TOX2: variants seen among roughly 807,000 people sequenced by gnomAD.
TOX2 encodes TOX high mobility group box family member 2, also known as granulosa cell HMG box 1.
In TOX2, 15 loss-of-function variants were observed where a neutral mutation model predicts 47.4. The observed-to-expected ratio is 0.32, with a 90% confidence interval of 0.21 to 0.49. The LOEUF (loss-of-function observed/expected upper bound fraction) is 0.49. Ranked by LOEUF, TOX2 falls within the 20% of genes least tolerant of loss-of-function variation. The pLI is 0.99. For missense variants in TOX2, 622 were observed against 673.1 expected (o/e 0.92, Z 0.84); for synonymous variants, 290 against 296.6 (o/e 0.98, Z 0.23).
intron 2 of TOX2, among the ~76,000 whole-genome samples, chr20:43,997,814 G>T (rs568576955): frequency 6.6e-6 from 1 of 152,218 alleles, no homozygotes; most frequent in East Asian, 1.9e-4. Context: ...CATCATTTCA[G>T]TTGTGATTTC....
At chr20:44,063,611 C>A (rs1202502883) in intron 5 of TOX2, among the ~76,000 whole-genome samples, 1 of 152,140 alleles carries the variant, frequency 6.6e-6, no homozygotes, top group African/African-American at 2.4e-5. Flanking sequence ...TTGGTATCCA[C>A]CCAGAGGAGA....
At position 43,927,707 on chromosome 20, in the gene TOX2, TCTTC is replaced by T. The variant is rs1417061516; in HGVS notation, c.99+12730_99+12733del. Among the ~76,000 whole-genome samples the T allele has an allele frequency of 1.2e-3, 145 of 116,170 alleles. 1 individual carries two copies. The highest frequency in any genetic ancestry group is 4.5e-3 in the Middle Eastern group (1 of 224). The allele number at this position is 116,170 out of a possible 152,430, so 76.2% of individuals were successfully genotyped here. A position where few individuals can be genotyped will look rare whatever the true frequency, so the allele number is the denominator to read the frequency against. On this transcript the variant is annotated intron_variant, in intron 1 of 8. Transcript: ENST00000341197. ...TTCCTTCCCTTCCCCTTCCTTCCTT[TCTTC>T]CTTCCTTCCTTCTTTCCTTCCATCC...
rs1053773600 is a variant in TOX2, at chr20:44,039,227, C to T, written c.412-12079C>T. On this transcript the variant is annotated intron_variant, in intron 3 of 8. Transcript: ENST00000341197. ...AGGCTTCTCTGAGGAGGTGACATTTCAGGTAAGCCATAAAGGAGGATGACA... is the reference window on the plus strand; with the variant it reads ...AGGCTTCTCTGAGGAGGTGACATTTTAGGTAAGCCATAAAGGAGGATGACA... 7 of 1,288,784 alleles carry T rather than the reference C, an allele frequency of 5.4e-6. No individual in the cohort carries two copies. In the Middle Eastern group the frequency reaches 8.5e-4, roughly 156 times the overall value. 79.8% of individuals were successfully genotyped at this position (1,288,784 alleles called of 1,614,324 possible).
Position 44,065,893 on chromosome 20 carries a change from C to A in TOX2, c.1142C>A (p.Ser381Tyr), listed in dbSNP as rs2071808149. ...ASLARTLGSK[S>Y]LLPGLSASPP... Reference sequence around the variant, plus strand: ...CTCGCCCGGACGCTGGGCTCCAAGTCTCTGCTGCCAGGCCTCAGTGCGTCC... The same window carrying A: ...CTCGCCCGGACGCTGGGCTCCAAGTATCTGCTGCCAGGCCTCAGTGCGTCC... Residue 381 changes from serine to tyrosine, a missense_variant, in exon 7 of 9, where the codon TCT becomes TAT. Around this residue, in one of 3 missense-constraint regions of TOX2, gnomAD observed 294 missense variants for 300.0 expected, o/e 0.98. Transcript: ENST00000341197. The A allele has an allele frequency of 6.2e-7, 1 of 1,612,162 alleles. No homozygotes were observed.
chr20:43,934,132 G>T (rs1046017991), intron 1 of TOX2, among the ~76,000 whole-genome samples: 17 of 87,486 alleles, frequency 1.9e-4, no homozygotes, highest in African/African-American at 6.7e-4. Flanking sequence ...AGAGCCCAAG[G>T]TAAGGAGAGA....
chr20:43,971,043 G>T (rs768624876), intron 1 of TOX2, among the ~76,000 whole-genome samples: 1 of 152,168 alleles, frequency 6.6e-6, no homozygotes, highest in Non-Finnish European at 1.5e-5. Context: ...GACTCTCCCC[G>T]TCCCTGTGCT....
At chr20:44,003,835 C>T (rs891091776) in intron 2 of TOX2, among the ~76,000 whole-genome samples, 2 of 152,002 alleles carry the variant, frequency 1.3e-5, no homozygotes, top group African/African-American at 4.8e-5. Flanking sequence ...GGTGGTGGGG[C>T]CAGGCCATAC....
At chr20:43,919,262 C>T (rs1417636162) in intron 1 of TOX2, among the ~76,000 whole-genome samples, 1 of 152,218 alleles carries the variant, frequency 6.6e-6, no homozygotes, top group Non-Finnish European at 1.5e-5. Flanking sequence ...GAACAAAAGT[C>T]ACTCAAATCA....
chr20:43,991,794 C>A (rs1041770545), intron 2 of TOX2, among the ~76,000 whole-genome samples: 2 of 152,064 alleles, frequency 1.3e-5, no homozygotes, highest in Non-Finnish European at 2.9e-5. Context: ...CAGGCATACA[C>A]CACTATGCCC....
chr20:44,037,464 T>G (rs2071259564), intron 3 of TOX2, among the ~76,000 whole-genome samples: 1 of 152,230 alleles, frequency 6.6e-6, no homozygotes, highest in Non-Finnish European at 1.5e-5. Context: ...TCTGTATGGA[T>G]ACAGTGGAAA....
rs1555841868 is a variant in TOX2, at chr20:44,023,431, G to GGAAAAAAA, written c.411+16639_411+16640insGAAAAAAA. Among the ~76,000 whole-genome samples, 25 of 119,130 alleles carry GGAAAAAAA rather than the reference G, an allele frequency of 2.1e-4. 4 individuals carry two copies. The highest frequency in any genetic ancestry group is 3.1e-4 in the African/African-American group (9 of 29,482). The allele number at this position is 119,130 out of a possible 152,430, so 78.2% of individuals were successfully genotyped here. A position where few individuals can be genotyped will look rare whatever the true frequency, so the allele number is the denominator to read the frequency against. On this transcript the variant is annotated intron_variant, in intron 3 of 8. Coordinates refer to ENST00000341197, the MANE Select transcript of TOX2 (RefSeq NM_001098797.2). ...GGTGACAGAGCTAGACTTTATCTCA[G>GGAAAAAAA]AAAAAAAAAAAAAAAAAAAGGAGGG...
Position 44,069,181 on chromosome 20 carries a change from A to C in TOX2, c.*495A>C. The stretch of plus-strand genomic sequence containing the variant: ...TAAGTAGTTGACTACGTGTTTTAGA[A>C]CTGTGCTGAAGACATCTGTAAGACT... On this transcript the variant is annotated 3_prime_UTR_variant, in exon 9 of 9. Coordinates refer to ENST00000341197, the MANE Select transcript of TOX2 (RefSeq NM_001098797.2). The C allele has an allele frequency of 5.9e-6, 2 of 336,930 alleles. No homozygotes were observed. Among genetic ancestry groups the C allele is most frequent in the Non-Finnish European group, 1.2e-5 (2 of 170,622 alleles). The allele number at this position is 336,930 out of a possible 1,614,324, so 20.9% of individuals were successfully genotyped here. A position where few individuals can be genotyped will look rare whatever the true frequency, so the allele number is the denominator to read the frequency against.
At position 44,014,156 on chromosome 20, in the gene TOX2, G is replaced by T. The variant is rs7345184; in HGVS notation, c.411+7364G>T. On this transcript the variant is annotated intron_variant, in intron 3 of 8. Coordinates refer to ENST00000341197, the MANE Select transcript of TOX2 (RefSeq NM_001098797.2). ...AAAAAAAAAAAAAAAAAAAAAAAAA[G>T]GAAAAGAGAGATGTGTGTCTCTCAT... Among the ~76,000 whole-genome samples the T allele has an allele frequency of 5.6e-5, 5 of 88,996 alleles. No individual in the cohort carries two copies. In the South Asian group the frequency reaches 2.0e-3, roughly 36 times the overall value. 58.4% of individuals were successfully genotyped at this position (88,996 alleles called of 152,430 possible).
intron 2 of TOX2, among the ~76,000 whole-genome samples, chr20:44,005,040 A>G (rs972433649): frequency 6.6e-6 from 1 of 152,266 alleles, no homozygotes; most frequent in African/African-American, 2.4e-5. Context: ...CATTATTTGT[A>G]TCAAAACATC....
At chr20:43,925,533 G>C (rs73118223) in intron 1 of TOX2, among the ~76,000 whole-genome samples, 15,210 of 152,178 alleles carry the variant, frequency 0.1, 1,050 homozygotes, top group Non-Finnish European at 0.15. Flanking sequence ...ATTTCAATTA[G>C]AGAATTCTTC....
chr20:44,066,589 G>T, intron 7 of TOX2, 141 bp from the exon 8 acceptor site: 3 of 1,303,824 alleles, frequency 2.3e-6, no homozygotes, highest in Non-Finnish European at 2.2e-6. Context: ...GTGCTCTACT[G>T]GGAGCAAGGC....
chr20:43,949,908 A>G (rs548053477), intron 1 of TOX2, among the ~76,000 whole-genome samples: 4 of 152,218 alleles, frequency 2.6e-5, no homozygotes, highest in African/African-American at 9.6e-5. Context: ...CAGAAATGTT[A>G]ATTTAGGCAG....
chr20:43,944,797 G>T (rs1385692816), intron 1 of TOX2, among the ~76,000 whole-genome samples: 2 of 152,208 alleles, frequency 1.3e-5, no homozygotes, highest in Non-Finnish European at 2.9e-5. Context: ...ACCTGGCATA[G>T]TACATGACAC....
chr20:44,052,321 ATCTTG>A (rs921879234), intron 4 of TOX2, among the ~76,000 whole-genome samples: 2 of 152,212 alleles, frequency 1.3e-5, no homozygotes, highest in African/African-American at 4.8e-5. Flanking sequence ...GTGAGAGAAC[ATCTTG>A]TCTTACCAGG....
Sources: gnomAD v4.1 joint callset for allele counts (sites outside exome capture counted in the v4.1 genomes callset) on GRCh38, gnomAD v4.1.1 for gene constraint, gnomAD v4.1.1 regional missense constraint, MANE v1.5 for transcripts, NCBI Gene and HGNC (gene_info 2026-07-23, HGNC 2026-07-21) for gene names.